Variants in ANKS1B observed in about 807,000 individuals in gnomAD.
The protein encoded by ANKS1B is ankyrin repeat and sterile alpha motif domain-containing protein 1B.
A neutral mutation model predicts 148.3 loss-of-function variants in ANKS1B; 36 were observed. The observed-to-expected ratio is 0.24, with a 90% CI of 0.19 to 0.32. ANKS1B has a LOEUF of 0.32. Among genes scored for constraint, ANKS1B ranks in the 10% least tolerant of loss-of-function variants. The pLI is 1.00. For missense variants in ANKS1B, 1,157 were observed against 1,542.6 expected (o/e 0.75, Z 4.19); for synonymous variants, 542 against 560.8 (o/e 0.97, Z 0.47).
At chr12:99,383,747 G>T (rs1020480567) in intron 12 of ANKS1B, among the ~76,000 whole-genome samples, 8 of 150,418 alleles carry the variant, frequency 5.3e-5, no homozygotes, top group Admixed American at 4.0e-4. Flanking sequence ...AGTGCAGTGC[G>T]CATGCCTGTA....
At chr12:99,597,520 A>C (rs1034857145) in intron 9 of ANKS1B, among the ~76,000 whole-genome samples, 3 of 152,082 alleles carry the variant, frequency 2.0e-5, no homozygotes, top group Admixed American at 2.0e-4. Context: ...ATTTTCTTTA[A>C]AGGACATTTG....
Position 99,882,660 on chromosome 12 carries a change from G to A in ANKS1B, c.135-57271C>T, listed in dbSNP as rs77953414. Among the ~76,000 whole-genome samples the A allele has an allele frequency of 3.2e-3, 480 of 152,210 alleles. 5 individuals carry two copies. The highest frequency in any genetic ancestry group is 0.011 in the African/African-American group (448 of 41,516). On this transcript the variant is annotated intron_variant, in intron 1 of 26. Coordinates refer to ENST00000683438, the MANE Select transcript of ANKS1B (RefSeq NM_001352186.2). Reference sequence around the variant, plus strand: ...ACTTGCGGGAAAGGGTGGGGAAGGGGGTGAAGGATAAAAGACAACACAATG... The same window carrying A: ...ACTTGCGGGAAAGGGTGGGGAAGGGAGTGAAGGATAAAAGACAACACAATG...
intron 17 of ANKS1B, among the ~76,000 whole-genome samples, chr12:98,917,582 A>G (rs2099796090): frequency 2.0e-5 from 3 of 152,240 alleles, no homozygotes. Flanking sequence ...ACAAGATGAG[A>G]AGGCTTTTGC....
intron 9 of ANKS1B, among the ~76,000 whole-genome samples, chr12:99,538,349 A>C (rs114134787): frequency 1.2e-3 from 185 of 152,284 alleles, no homozygotes; most frequent in African/African-American, 4.3e-3. Context: ...TTCTTTGGGT[A>C]GTACAAACAT....
At chr12:99,550,452 C>T (rs556966914) in intron 9 of ANKS1B, among the ~76,000 whole-genome samples, 2 of 151,938 alleles carry the variant, frequency 1.3e-5, no homozygotes, top group Non-Finnish European at 2.9e-5. Flanking sequence ...GGTGAAACTC[C>T]GTCTCTACTA....
chr12:99,290,579 C>T (rs1566820399), intron 12 of ANKS1B, among the ~76,000 whole-genome samples: 1 of 151,860 alleles, frequency 6.6e-6, no homozygotes, highest in Non-Finnish European at 1.5e-5. Context: ...TAATCATGAC[C>T]AGGTTGGATT....
At chr12:99,540,757 T>C (rs2097117395) in intron 9 of ANKS1B, among the ~76,000 whole-genome samples, 1 of 150,306 alleles carries the variant, frequency 6.7e-6, no homozygotes, top group African/African-American at 2.4e-5. Context: ...AAATATAAAT[T>C]GAAAGCAAGC....
At chr12:99,300,165 A>G (rs1227751699) in intron 12 of ANKS1B, among the ~76,000 whole-genome samples, 1 of 152,184 alleles carries the variant, frequency 6.6e-6, no homozygotes, top group Non-Finnish European at 1.5e-5. Flanking sequence ...TATTAAAAGG[A>G]GTAAAATTGG....
chr12:98,954,734 C>G (rs1174650854), intron 17 of ANKS1B, among the ~76,000 whole-genome samples: 1 of 152,154 alleles, frequency 6.6e-6, no homozygotes, highest in Non-Finnish European at 1.5e-5. Flanking sequence ...AGCCTAGGTT[C>G]TTAAAAGCTC....
At chr12:99,515,193 T>G (rs992083994) in intron 9 of ANKS1B, among the ~76,000 whole-genome samples, 3 of 151,964 alleles carry the variant, frequency 2.0e-5, no homozygotes, top group African/African-American at 7.3e-5. Flanking sequence ...ACCCTTTTAG[T>G]TATCTTAAAA....
At chr12:98,852,322 G>A (rs2099533497) in intron 17 of ANKS1B, among the ~76,000 whole-genome samples, 1 of 152,248 alleles carries the variant, frequency 6.6e-6, no homozygotes, top group South Asian at 2.1e-4. Context: ...AAATCTCTAG[G>A]CGGCAGAAAC....
chr12:99,575,251 A>G (rs2097504815), intron 9 of ANKS1B, among the ~76,000 whole-genome samples: 1 of 152,060 alleles, frequency 6.6e-6, no homozygotes, highest in African/African-American at 2.4e-5. Context: ...ATCCTTAAAG[A>G]AAAGCAATTC....
intron 17 of ANKS1B, among the ~76,000 whole-genome samples, chr12:99,015,647 A>ACT (rs2099942025): frequency 1.3e-5 from 2 of 152,176 alleles, no homozygotes; most frequent in South Asian, 4.1e-4. Flanking sequence ...TGGGCGGATC[A>ACT]GGAGGTCAGG....
At chr12:98,944,870 T>C (rs534372590) in intron 17 of ANKS1B, among the ~76,000 whole-genome samples, 1 of 152,370 alleles carries the variant, frequency 6.6e-6, no homozygotes, top group Admixed American at 6.5e-5. Context: ...ACAGTATGAA[T>C]AGATGGGATC....
intron 1 of ANKS1B, among the ~76,000 whole-genome samples, chr12:99,859,973 A>G (rs947571685): frequency 6.6e-6 from 1 of 152,166 alleles, no homozygotes; most frequent in Non-Finnish European, 1.5e-5. Flanking sequence ...ACAACTTACA[A>G]TTTCAGGAAT....
At chr12:99,863,005 A>G (rs2090237266) in intron 1 of ANKS1B, among the ~76,000 whole-genome samples, 1 of 152,190 alleles carries the variant, frequency 6.6e-6, no homozygotes, top group African/African-American at 2.4e-5. Context: ...CTATCCCTAG[A>G]CCCAGCTGTC....
intron 1 of ANKS1B, among the ~76,000 whole-genome samples, chr12:99,841,822 A>G (rs1362483963): frequency 2.0e-5 from 3 of 151,982 alleles, no homozygotes; most frequent in Non-Finnish European, 4.4e-5. Context: ...CCATATTTAC[A>G]GTTCTATCAC....
At chr12:99,894,508 CAAAAAAAAAAAAA>C (rs777618998) in intron 1 of ANKS1B, among the ~76,000 whole-genome samples, 3 of 64,266 alleles carry the variant, frequency 4.7e-5, no homozygotes, top group Non-Finnish European at 6.0e-5. Flanking sequence ...GACCCTGTCT[CAAAAAAAAAAAAA>C]AAAAAAAAAC....
chr12:98,847,356 A>G (rs1343758689), intron 17 of ANKS1B, among the ~76,000 whole-genome samples: 1 of 152,288 alleles, frequency 6.6e-6, no homozygotes, highest in East Asian at 1.9e-4. Flanking sequence ...GTGAGATCAT[A>G]TAGTATTTGC....
Sources: allele counts gnomAD v4.1 joint callset (sites outside exome capture counted in the v4.1 genomes callset), GRCh38; gene constraint gnomAD v4.1.1; transcripts MANE v1.5; gene names NCBI Gene and HGNC (gene_info 2026-07-23, HGNC 2026-07-21).